Variants in UVRAG observed in about 807,000 individuals in gnomAD.
The protein encoded by UVRAG is UV radiation resistance associated.
Under a neutral mutation model 78.0 loss-of-function variants are expected in UVRAG, and 19 were observed. The ratio of observed to expected loss-of-function variants is 0.24; its 90% confidence interval spans 0.17 to 0.36. The LOEUF (loss-of-function observed/expected upper bound fraction) is 0.36. Among genes scored for constraint, UVRAG ranks in the 10% least tolerant of loss-of-function variants. The probability of loss-of-function intolerance (pLI) is 1.00; values close to 1 mark genes in which losing one functional copy is unlikely to be tolerated. For missense variants in UVRAG, 740 were observed against 853.8 expected (o/e 0.87, Z 1.66); for synonymous variants, 323 against 324.6 (o/e 1.00, Z 0.05).
At chr11:75,889,951 T>C (rs1016353141) in intron 5 of UVRAG, among the ~76,000 whole-genome samples, 1 of 152,124 alleles carries the variant, frequency 6.6e-6, no homozygotes, top group African/African-American at 2.4e-5. Context: ...AGATGATGAA[T>C]AGAAGTGAAC....
chr11:76,015,487 G>A (rs116230897), intron 11 of UVRAG, among the ~76,000 whole-genome samples: 1 of 152,058 alleles, frequency 6.6e-6, no homozygotes. Flanking sequence ...GCCTTAGTTT[G>A]TTTATCTGTA....
At chr11:75,931,207 T>C (rs866095185) in intron 6 of UVRAG, among the ~76,000 whole-genome samples, 1 of 152,070 alleles carries the variant, frequency 6.6e-6, no homozygotes, top group South Asian at 2.1e-4. Context: ...CATTCATGTG[T>C]TGTTTTCATT....
chr11:76,094,100 C>T (rs1285540186), intron 13 of UVRAG, among the ~76,000 whole-genome samples: 1 of 152,198 alleles, frequency 6.6e-6, no homozygotes, highest in Non-Finnish European at 1.5e-5. Flanking sequence ...GCCTTTTCTG[C>T]ATCTATTGAG....
chr11:75,890,143 C>T (rs1565365666), intron 5 of UVRAG, among the ~76,000 whole-genome samples: 1 of 152,178 alleles, frequency 6.6e-6, no homozygotes, highest in Non-Finnish European at 1.5e-5. Flanking sequence ...GGGGCCACAG[C>T]ACGCAGAACT....
chr11:76,093,588 A>G (rs938561344), intron 13 of UVRAG, among the ~76,000 whole-genome samples: 2 of 152,046 alleles, frequency 1.3e-5, no homozygotes, highest in East Asian at 1.9e-4. Context: ...CTTGTAAGTT[A>G]GATTCCTAGG....
chr11:75,987,448 T>A lies in UVRAG; in HGVS notation c.826+3935T>A, dbSNP rs188675503. Among the ~76,000 whole-genome samples, 462 of 152,338 alleles carry A rather than the reference T, an allele frequency of 3.0e-3. 2 individuals carry two copies. Among genetic ancestry groups the A allele is most frequent in the Admixed American group, 4.1e-3 (63 of 15,300 alleles). Reference sequence around the variant, plus strand: ...GTTAGATTGTTTTGAATTTTCTGTTTTTACAGTCATCTCACCTGCAAATGA... The same window carrying A: ...GTTAGATTGTTTTGAATTTTCTGTTATTACAGTCATCTCACCTGCAAATGA... On this transcript the variant is annotated intron_variant, in intron 8 of 14. Coordinates refer to ENST00000356136, the MANE Select transcript of UVRAG (RefSeq NM_003369.4).
chr11:75,827,505 G>A (rs993085585), intron 1 of UVRAG, among the ~76,000 whole-genome samples: 1 of 152,116 alleles, frequency 6.6e-6, no homozygotes, highest in Non-Finnish European at 1.5e-5. Flanking sequence ...CAGCTACTCA[G>A]GAGGCTGAGG....
At chr11:75,870,190 T>C (rs1053694932) in intron 3 of UVRAG, among the ~76,000 whole-genome samples, 20 of 152,232 alleles carry the variant, frequency 1.3e-4, no homozygotes, top group African/African-American at 4.6e-4. Flanking sequence ...GAATTATTGC[T>C]CATTGTCTGG....
intron 6 of UVRAG, among the ~76,000 whole-genome samples, chr11:75,941,093 T>C (rs907037793): frequency 2.0e-5 from 3 of 152,144 alleles, no homozygotes; most frequent in Non-Finnish European, 4.4e-5. Flanking sequence ...AATAAGCACA[T>C]TGTTGAGTTC....
intron 12 of UVRAG, among the ~76,000 whole-genome samples, chr11:76,061,660 G>C (rs1486307557): frequency 1.3e-5 from 2 of 151,506 alleles, no homozygotes; most frequent in African/African-American, 4.9e-5. Context: ...CTGAGCCAGC[G>C]AGACCACGAA....
chr11:75,941,774 A>G (rs1427912658), intron 6 of UVRAG, among the ~76,000 whole-genome samples: 1 of 152,140 alleles, frequency 6.6e-6, no homozygotes, highest in Non-Finnish European at 1.5e-5. Context: ...TCTTACAGTG[A>G]AAGTCATAGT....
intron 8 of UVRAG, among the ~76,000 whole-genome samples, chr11:75,989,553 A>G (rs953586957): frequency 6.6e-6 from 1 of 152,148 alleles, no homozygotes; most frequent in Non-Finnish European, 1.5e-5. Flanking sequence ...TTACAGTGGG[A>G]GGAAAATCTG....
chr11:75,973,740 G>A (rs578001964), intron 7 of UVRAG, among the ~76,000 whole-genome samples: 38 of 152,092 alleles, frequency 2.5e-4, no homozygotes, highest in Non-Finnish European at 5.1e-4. Context: ...CTGGTGTGTG[G>A]TGTTCCCCAC....
intron 12 of UVRAG, among the ~76,000 whole-genome samples, chr11:76,019,860 G>C (rs1950210678): frequency 6.6e-6 from 1 of 152,146 alleles, no homozygotes; most frequent in East Asian, 1.9e-4. Flanking sequence ...TCAAGACCCT[G>C]TGGCTCTACA....
chr11:75,823,023 A>G (rs917839218), intron 1 of UVRAG, among the ~76,000 whole-genome samples: 5 of 152,086 alleles, frequency 3.3e-5, no homozygotes, highest in African/African-American at 1.2e-4. Context: ...AGAACAAAGG[A>G]TGTTCCTCAC....
chr11:76,003,705 G>A (rs534007520), intron 8 of UVRAG, among the ~76,000 whole-genome samples: 1 of 152,258 alleles, frequency 6.6e-6, no homozygotes, highest in Non-Finnish European at 1.5e-5. Flanking sequence ...AGTGAAGTCT[G>A]AATTTTGATA....
At position 76,141,123 on chromosome 11, in the gene UVRAG, G is replaced by C. The variant is rs372890913; in HGVS notation, c.1810G>C (p.Glu604Gln). The C allele has an allele frequency of 2.4e-5, 39 of 1,614,022 alleles. No individual in the cohort carries two copies. The highest frequency in any genetic ancestry group is 3.2e-5 in the Non-Finnish European group (38 of 1,180,034). ...ATVNGTLLPS[E>Q]QAGSASVQLP... ...AGTCAATGGCACTCTCCTACCCAGC[G>C]AGCAGGCCGGGTCCGCCAGTGTCCA... Residue 604 changes from glutamate to glutamine, a missense_variant, in exon 15 of 15, where the codon GAG (glutamate) becomes CAG (glutamine). Physicochemically the swap from Glu to Gln is conservative, Grantham distance 29. Transcript: ENST00000356136.
intron 5 of UVRAG, among the ~76,000 whole-genome samples, chr11:75,890,828 G>C (rs1219393429): frequency 2.6e-5 from 4 of 152,102 alleles, no homozygotes; most frequent in Admixed American, 6.5e-5. Flanking sequence ...GTCCACATAG[G>C]GGGCACCAGA....
chr11:76,047,242 C>G (rs1011461074), intron 12 of UVRAG, among the ~76,000 whole-genome samples: 2 of 152,112 alleles, frequency 1.3e-5, no homozygotes, highest in East Asian at 3.8e-4. Context: ...TTGCACTGGG[C>G]CCTGAAGGGT....
Sources: gnomAD v4.1 joint callset for allele counts (sites outside exome capture counted in the v4.1 genomes callset) on GRCh38, gnomAD v4.1.1 for gene constraint, MANE v1.5 for transcripts, NCBI Gene and HGNC (gene_info 2026-07-23, HGNC 2026-07-21) for gene names.